Variants in DAPL1 observed in about 807,000 individuals in gnomAD.
The protein encoded by DAPL1 is death associated protein like 1.
Under a neutral mutation model 12.9 loss-of-function variants are expected in DAPL1, and 17 were observed. The observed-to-expected ratio is 1.32, with a 90% CI of 0.90 to 1.98. The LOEUF (loss-of-function observed/expected upper bound fraction) is 1.98. Among genes scored for constraint, DAPL1 ranks in the 30% most tolerant of loss-of-function variants. The probability of loss-of-function intolerance (pLI) is 0.00; values close to 1 mark genes in which losing one functional copy is unlikely to be tolerated. For missense variants in DAPL1, 157 were observed against 125.7 expected (o/e 1.25, Z -1.19); for synonymous variants, 51 against 42.0 (o/e 1.21, Z -0.82).
chr2:158,810,391 G>A (rs184405453), intron 3 of DAPL1, among the ~76,000 whole-genome samples: 22 of 152,134 alleles, frequency 1.4e-4, no homozygotes, highest in Non-Finnish European at 2.5e-4. Flanking sequence ...TTACACTCAT[G>A]TCTAGTCCCA....
intron 3 of DAPL1, among the ~76,000 whole-genome samples, chr2:158,813,049 C>T (rs75409857): frequency 0.011 from 1,708 of 152,032 alleles, 34 homozygotes; most frequent in African/African-American, 0.039. Flanking sequence ...ATTATTTAAC[C>T]TTACAAAAGA....
intron 1 of DAPL1, among the ~76,000 whole-genome samples, chr2:158,801,675 T>G (rs1427341051): frequency 6.6e-6 from 1 of 152,116 alleles, no homozygotes; most frequent in Non-Finnish European, 1.5e-5. Context: ...ACTTGGTAAT[T>G]CAAATGACCA....
intron 1 of DAPL1, among the ~76,000 whole-genome samples, chr2:158,800,938 C>T (rs1171547505): frequency 6.6e-6 from 1 of 152,204 alleles, no homozygotes; most frequent in Non-Finnish European, 1.5e-5. Flanking sequence ...CTCCCAGGTT[C>T]AAGCAATTCT....
At position 158,804,384 on chromosome 2, in the gene DAPL1, T is replaced by A; in HGVS notation, c.146+15T>A. On this transcript the variant is annotated intron_variant, in intron 2 of 3. Coordinates refer to ENST00000309950, the MANE Select transcript of DAPL1 (RefSeq NM_001017920.3). Reference sequence around the variant, plus strand: ...GAGAAAACAAGGTAGGGACTCTTAATTTTTCTCCATCACCTTGAGGAGTTT... The same window carrying A: ...GAGAAAACAAGGTAGGGACTCTTAAATTTTCTCCATCACCTTGAGGAGTTT... The A allele has an allele frequency of 6.3e-7, 1 of 1,578,836 alleles. No individual in the cohort carries two copies. Among genetic ancestry groups the A allele is most frequent in the Non-Finnish European group, 8.7e-7 (1 of 1,154,122 alleles).
chr2:158,812,117 A>G (rs1248930681), intron 3 of DAPL1, among the ~76,000 whole-genome samples: 3 of 152,226 alleles, frequency 2.0e-5, no homozygotes, highest in Non-Finnish European at 4.4e-5. Context: ...TCCTGTTATC[A>G]TATTTTCAAG....
chr2:158,810,460 C>G (rs890432751), intron 3 of DAPL1, among the ~76,000 whole-genome samples: 13 of 152,310 alleles, frequency 8.5e-5, no homozygotes, highest in African/African-American at 3.1e-4. Flanking sequence ...AGAAACTCCT[C>G]TCCATAGGAA....
chr2:158,804,897 C>A (rs915337583), intron 2 of DAPL1, among the ~76,000 whole-genome samples: 13 of 152,196 alleles, frequency 8.5e-5, no homozygotes, highest in African/African-American at 2.9e-4. Flanking sequence ...CTCCTTCCAC[C>A]ATAACATTGA....
chr2:158,797,201 T>G (rs147851273), intron 1 of DAPL1, among the ~76,000 whole-genome samples: 1 of 152,308 alleles, frequency 6.6e-6, no homozygotes, highest in East Asian at 1.9e-4. Flanking sequence ...AACCTCAACT[T>G]CATTTCACAT....
chr2:158,813,822 T>A (rs921522866), intron 3 of DAPL1, among the ~76,000 whole-genome samples: 6 of 152,222 alleles, frequency 3.9e-5, no homozygotes, highest in Non-Finnish European at 7.3e-5. Context: ...CCCAAAGTGC[T>A]GGGATTGCAG....
chr2:158,814,811 T>C (rs1341976287), intron 3 of DAPL1, among the ~76,000 whole-genome samples: 1 of 152,200 alleles, frequency 6.6e-6, no homozygotes, highest in East Asian at 1.9e-4. Context: ...AAATTCCTAC[T>C]GAGCTGAGGC....
intron 2 of DAPL1, 38 bp from the exon 3 acceptor site, chr2:158,807,017 T>G (rs2059206107): frequency 6.3e-7 from 1 of 1,580,988 alleles, no homozygotes; most frequent in Non-Finnish European, 8.7e-7. Context: ...TGGGAAAATT[T>G]TTTAAGTCCT....
chr2:158,800,799 T>C (rs2059163093), intron 1 of DAPL1, among the ~76,000 whole-genome samples: 1 of 152,302 alleles, frequency 6.6e-6, no homozygotes, highest in African/African-American at 2.4e-5. Flanking sequence ...AGATTATCAA[T>C]GTCCTTCCAA....
At chr2:158,804,492 A>T in intron 2 of DAPL1, 123 bp downstream of exon 2, 12 of 416,898 alleles carry the variant, frequency 2.9e-5, no homozygotes, top group Admixed American at 4.2e-5. Context: ...AGGGGGCAGG[A>T]GGGGGAGGGC....
Position 158,815,692 on chromosome 2 carries a change from T to A in DAPL1, c.208-13T>A. On this transcript the variant is annotated splice_polypyrimidine_tract_variant and intron_variant, in intron 3 of 3. Coordinates refer to ENST00000309950, the MANE Select transcript of DAPL1 (RefSeq NM_001017920.3). Reference sequence around the variant, plus strand: ...TCCAATATGCCTATTTTTTCTTCCCTTCTCACCTTTAGCTCAACTATAAAT... The same window carrying A: ...TCCAATATGCCTATTTTTTCTTCCCATCTCACCTTTAGCTCAACTATAAAT... 1.3e-6 allele frequency: 2 copies of A among 1,565,150 alleles called. No individual in the cohort carries two copies. Among genetic ancestry groups the A allele is most frequent in the Non-Finnish European group, 1.8e-6 (2 of 1,135,056 alleles).
chr2:158,811,631 T>G (rs1239044340), intron 3 of DAPL1, among the ~76,000 whole-genome samples: 1 of 152,194 alleles, frequency 6.6e-6, no homozygotes, highest in Non-Finnish European at 1.5e-5. Context: ...TTGATCCACT[T>G]TCTAAGTTCA....
At chr2:158,796,270 T>C (rs1005055827) in intron 1 of DAPL1, among the ~76,000 whole-genome samples, 3 of 152,192 alleles carry the variant, frequency 2.0e-5, no homozygotes, top group African/African-American at 7.2e-5. Context: ...CAAAAACATA[T>C]TTACTGTCTA....
intron 1 of DAPL1, among the ~76,000 whole-genome samples, chr2:158,800,611 A>G (rs2059161975): frequency 6.6e-6 from 1 of 152,158 alleles, no homozygotes; most frequent in African/African-American, 2.4e-5. Flanking sequence ...GTCCAACCCT[A>G]CATAACATTT....
rs201479663 is a variant in DAPL1, at chr2:158,815,770, G to C, written c.273G>C (p.Lys91Asn). The stretch of plus-strand genomic sequence containing the variant: ...AAAAACCCACACCTGCTCTGGAAAA[G>C]GTTGTTCCACTGAAAAGGATCTACA... The part of the protein sequence containing the change: ...AHQKPTPALE[K>N]VVPLKRIYII... Residue 91 changes from lysine (K) to asparagine (N), a missense_variant, in exon 4 of 4, where the codon AAG (lysine) becomes AAC (asparagine). Coordinates refer to ENST00000309950, the MANE Select transcript of DAPL1 (RefSeq NM_001017920.3). 1 of 1,613,976 alleles carries C rather than the reference G, an allele frequency of 6.2e-7. No homozygotes were observed. The highest frequency in any genetic ancestry group is 8.5e-7 in the Non-Finnish European group (1 of 1,179,984).
At chr2:158,801,144 GTTC>G (rs2105149268) in intron 1 of DAPL1, among the ~76,000 whole-genome samples, 1 of 152,228 alleles carries the variant, frequency 6.6e-6, no homozygotes, top group Non-Finnish European at 1.5e-5. Context: ...CGCCCAGCCA[GTTC>G]TTCTCATCTT....
Sources: gnomAD v4.1 joint callset for allele counts (sites outside exome capture counted in the v4.1 genomes callset) on GRCh38, gnomAD v4.1.1 for gene constraint, MANE v1.5 for transcripts, NCBI Gene and HGNC (gene_info 2026-07-23, HGNC 2026-07-21) for gene names.